Variants in FBXO34 observed in about 807,000 individuals in gnomAD.
The protein encoded by FBXO34 is F-box only protein 34.
FBXO34 carries 12 observed loss-of-function variants against 24.5 expected under a neutral mutation model. The observed-to-expected ratio is 0.49, with a 90% CI of 0.31 to 0.79. The LOEUF is 0.79. FBXO34 is among the 30% of genes least tolerant of loss of function. The probability of loss-of-function intolerance (pLI) is 0.04; values close to 1 mark genes in which losing one functional copy is unlikely to be tolerated. For missense variants in FBXO34, 823 were observed against 857.7 expected (o/e 0.96, Z 0.51); for synonymous variants, 320 against 311.9 (o/e 1.03, Z -0.27).
chr14:55,322,661 G>A (rs368822462), intron 1 of FBXO34, among the ~76,000 whole-genome samples: 1 of 151,932 alleles, frequency 6.6e-6, no homozygotes, highest in East Asian at 1.9e-4. Context: ...AACCTTTTGT[G>A]CATATTGCAA....
chr14:55,335,521 A>G (rs751864241), intron 1 of FBXO34: 9 of 152,208 alleles, frequency 5.9e-5, no homozygotes, highest in Non-Finnish European at 7.3e-5. Context: ...AAATACAATA[A>G]TAAGTATAGT....
chr14:55,404,420 G>A, the FBXO34 span, among the ~76,000 whole-genome samples: 4 of 152,126 alleles, frequency 2.6e-5, no homozygotes, highest in Non-Finnish European at 5.9e-5. Flanking sequence ...TCTGCCATGC[G>A]CAAGTAAGCA....
At chr14:55,440,496 C>T in the FBXO34 span, 1 of 1,612,328 alleles carries the variant, frequency 6.2e-7, no homozygotes, top group African/African-American at 1.3e-5. Context: ...AGAGGGTAAG[C>T]GCGGAGCGAG....
chr14:55,368,112 A>T (rs1025501154), downstream of FBXO34: 1 of 152,326 alleles, frequency 6.6e-6, no homozygotes, highest in Non-Finnish European at 1.5e-5. Context: ...ATTAAAAATA[A>T]ACTACTTACA....
downstream of FBXO34, among the ~76,000 whole-genome samples, chr14:55,372,875 C>T (rs900035703): frequency 6.6e-6 from 1 of 152,134 alleles, no homozygotes; most frequent in African/African-American, 2.4e-5. Flanking sequence ...CGTGGAGAAA[C>T]CCACCTGGCA....
the FBXO34 span, among the ~76,000 whole-genome samples, chr14:55,422,999 TAAC>T: frequency 6.6e-6 from 1 of 151,554 alleles, no homozygotes; most frequent in African/African-American, 2.4e-5. Context: ...CAGGAAAAAA[TAAC>T]AAATATAGCA....
At chr14:55,402,850 G>A in the FBXO34 span, among the ~76,000 whole-genome samples, 3 of 96,666 alleles carry the variant, frequency 3.1e-5, no homozygotes, top group Admixed American at 3.8e-4. Flanking sequence ...TATTTGAATC[G>A]AGTTCAAGAC....
the FBXO34 span, chr14:55,414,123 C>T: frequency 1.8e-6 from 1 of 556,112 alleles, no homozygotes; most frequent in South Asian, 1.6e-5. Context: ...CTTCATGATG[C>T]TACAATATCA....
At chr14:55,336,728 CAT>C (rs969068372) in intron 1 of FBXO34, among the ~76,000 whole-genome samples, 1 of 151,524 alleles carries the variant, frequency 6.6e-6, no homozygotes, top group African/African-American at 2.4e-5. Context: ...AAATCCCAGA[CAT>C]TATATCATTT....
At chr14:55,407,955 T>C in the FBXO34 span, among the ~76,000 whole-genome samples, 1 of 152,068 alleles carries the variant, frequency 6.6e-6, no homozygotes, top group South Asian at 2.1e-4. Context: ...TGGTGGAAGT[T>C]TCATGTGACT....
chr14:55,329,263 C>T (rs1413376769), intron 1 of FBXO34, among the ~76,000 whole-genome samples: 2 of 151,948 alleles, frequency 1.3e-5, no homozygotes, highest in Non-Finnish European at 2.9e-5. Flanking sequence ...GTAGACTCCT[C>T]TCCTTAAGAT....
chr14:55,393,915 T>C, the FBXO34 span, among the ~76,000 whole-genome samples: 2 of 152,132 alleles, frequency 1.3e-5, no homozygotes, highest in African/African-American at 2.4e-5. Flanking sequence ...TCCTAGTTTA[T>C]TATTTTTTTC....
the FBXO34 span, chr14:55,397,512 C>G: frequency 1.8e-6 from 2 of 1,128,916 alleles, no homozygotes; most frequent in East Asian, 4.8e-5. Context: ...TCCCAAGAAC[C>G]AATCATTCTG....
chr14:55,322,843 A>G (rs1316012550), intron 1 of FBXO34, among the ~76,000 whole-genome samples: 2 of 151,646 alleles, frequency 1.3e-5, no homozygotes, highest in South Asian at 2.1e-4. Context: ...TGGATTTTAC[A>G]TTTTACTCAG....
chr14:55,331,741 G>GTATATATATA (rs1415870802), intron 1 of FBXO34, among the ~76,000 whole-genome samples: 1 of 38,406 alleles, frequency 2.6e-5, no homozygotes, highest in Non-Finnish European at 4.2e-5. Context: ...ATATATATAT[G>GTATATATATA]TGTGTATATA....
At chr14:55,382,906 C>A in the FBXO34 span, among the ~76,000 whole-genome samples, 4 of 152,152 alleles carry the variant, frequency 2.6e-5, no homozygotes, top group African/African-American at 9.7e-5. Flanking sequence ...ATAAATAATT[C>A]ATTCAAAAAT....
At chr14:55,369,891 C>G (rs368400738), downstream of FBXO34, 3 of 1,613,558 alleles carry the variant, frequency 1.9e-6, no homozygotes, top group Non-Finnish European at 1.7e-6. Flanking sequence ...TCCATGGACT[C>G]CTCAAGGTCT....
intron 3 of FBXO34, chr14:55,361,700 C>CT (rs1884597730): frequency 6.6e-6 from 1 of 152,214 alleles, no homozygotes; most frequent in South Asian, 2.1e-4. Flanking sequence ...TTCTGGATAA[C>CT]TTACTGCTTT....
chr14:55,372,095 A>AGCGT (rs1884832350), downstream of FBXO34, among the ~76,000 whole-genome samples: 1 of 151,986 alleles, frequency 6.6e-6, no homozygotes, highest in Admixed American at 6.6e-5. Flanking sequence ...CGCCACTCCC[A>AGCGT]AATATCCTCT....
Sources: allele counts gnomAD v4.1 joint callset (sites outside exome capture counted in the v4.1 genomes callset), GRCh38; gene constraint gnomAD v4.1.1; transcripts MANE v1.5; gene names NCBI Gene and HGNC (gene_info 2026-07-23, HGNC 2026-07-21).